OCA2: variants seen among roughly 807,000 people sequenced by gnomAD.
The protein encoded by OCA2 is OCA2 melanosomal transmembrane protein.
In OCA2, 77 loss-of-function variants were observed where a neutral mutation model predicts 100.2. That is an observed-to-expected ratio of 0.77 (90% CI 0.64 to 0.93). The LOEUF (loss-of-function observed/expected upper bound fraction) is 0.93. OCA2 is among the 40% of genes least tolerant of loss of function. OCA2 has a pLI of 0.00. For missense variants in OCA2, 1,062 were observed against 1,089.1 expected (o/e 0.98, Z 0.35); for synonymous variants, 432 against 439.2 (o/e 0.98, Z 0.21).
At chr15:27,783,404 C>T (rs1406275889) in intron 23 of OCA2, among the ~76,000 whole-genome samples, 1 of 152,162 alleles carries the variant, frequency 6.6e-6, no homozygotes, top group Non-Finnish European at 1.5e-5. Context: ...AGGAAGCTCG[C>T]AAGAGTATCA....
chr15:27,854,595 C>T (rs897693741), intron 21 of OCA2, among the ~76,000 whole-genome samples: 1 of 152,214 alleles, frequency 6.6e-6, no homozygotes, highest in African/African-American at 2.4e-5. Context: ...CATGCAGTCC[C>T]TGAGGCACTT....
intron 9 of OCA2, among the ~76,000 whole-genome samples, chr15:28,008,548 G>A (rs530129480): frequency 1.1e-4 from 16 of 152,252 alleles, no homozygotes; most frequent in Admixed American, 8.5e-4. Context: ...GTGAGGTCCC[G>A]TCCTAGCCAA....
intron 23 of OCA2, among the ~76,000 whole-genome samples, chr15:27,785,546 C>T (rs937652858): frequency 4.6e-5 from 7 of 152,070 alleles, no homozygotes; most frequent in Non-Finnish European, 7.4e-5. Flanking sequence ...ACTTTATACC[C>T]TTCAGATTAG....
At position 27,792,399 on chromosome 15, in the gene OCA2, C is replaced by G. The variant is rs553697234; in HGVS notation, c.2433-36927G>C. On this transcript the variant is annotated intron_variant, in intron 23 of 23. Coordinates refer to ENST00000354638, the MANE Select transcript of OCA2 (RefSeq NM_000275.3). Reference sequence around the variant, plus strand: ...GCTTGCCCAACCAACTTTCCTTTCCCTACTTCATCCTTTACATGGCAGTGG... The same window carrying G: ...GCTTGCCCAACCAACTTTCCTTTCCGTACTTCATCCTTTACATGGCAGTGG... Among the ~76,000 whole-genome samples the G allele has an allele frequency of 3.3e-5, 5 of 152,308 alleles. No individual in the cohort carries two copies. In the South Asian group the frequency reaches 1.0e-3, roughly 32 times the overall value.
At chr15:27,943,979 C>G (rs141050441) in intron 18 of OCA2, among the ~76,000 whole-genome samples, 150 of 152,322 alleles carry the variant, frequency 9.8e-4, no homozygotes, top group African/African-American at 3.3e-3. Flanking sequence ...TCAGGATCTC[C>G]TGGAGTGGTG....
At chr15:28,030,625 G>A (rs2042882178) in intron 3 of OCA2, among the ~76,000 whole-genome samples, 1 of 152,204 alleles carries the variant, frequency 6.6e-6, no homozygotes, top group African/African-American at 2.4e-5. Context: ...CCCCTAAAGT[G>A]CGAAGCCCTG....
At chr15:27,887,969 G>A (rs558106408) in intron 19 of OCA2, among the ~76,000 whole-genome samples, 1 of 152,082 alleles carries the variant, frequency 6.6e-6, no homozygotes, top group South Asian at 2.1e-4. Context: ...CCTCACACCT[G>A]GGATCTCAGG....
At chr15:27,864,406 G>C (rs1264787521) in intron 21 of OCA2, among the ~76,000 whole-genome samples, 1 of 152,170 alleles carries the variant, frequency 6.6e-6, no homozygotes, top group Non-Finnish European at 1.5e-5. Context: ...GACAGGAGGA[G>C]TTAAAACAAA....
In OCA2 at chr15:27,957,479, C is replaced by A. The variant is rs12439067; in HGVS notation, c.1784+109G>T. The A allele has an allele frequency of 0.1, 133,241 of 1,290,454 alleles. 21,828 individuals carry two copies. Among genetic ancestry groups the A allele is most frequent in the East Asian group, 0.87 (37,389 of 42,972 alleles). The allele number at this position is 1,290,454 out of a possible 1,614,324, so 79.9% of individuals were successfully genotyped here. Reference sequence around the variant, plus strand: ...ACTATAAGAGGCTTAGCACAGTGTGCGTCACCTAAATATCACGTATTAGTA... The same window carrying A: ...ACTATAAGAGGCTTAGCACAGTGTGAGTCACCTAAATATCACGTATTAGTA... On this transcript the variant is annotated intron_variant, in intron 16 of 23. Coordinates refer to ENST00000354638, the MANE Select transcript of OCA2 (RefSeq NM_000275.3). The surrounding 1 kb of genome is among the most constrained non-coding windows in gnomAD (Gnocchi z 4.3).
intron 5 of OCA2, 30 bp from the exon 6 acceptor site, chr15:28,022,603 A>G: frequency 3.2e-6 from 5 of 1,544,326 alleles, no homozygotes; most frequent in Non-Finnish European, 4.5e-6. Context: ...TGAATGACAG[A>G]GGTGTGGTAT....
At chr15:27,744,982 A>G in the OCA2 span, among the ~76,000 whole-genome samples, 1 of 152,194 alleles carries the variant, frequency 6.6e-6, no homozygotes, top group Non-Finnish European at 1.5e-5. Flanking sequence ...CTAGTGCAGC[A>G]TCGCATGACA....
chr15:27,934,842 G>A (rs1401021992), intron 18 of OCA2, among the ~76,000 whole-genome samples: 4 of 152,130 alleles, frequency 2.6e-5, no homozygotes, highest in Non-Finnish European at 5.9e-5. Flanking sequence ...GCCTACAATC[G>A]AATGAAGACC....
chr15:28,006,739 G>T (rs1482836362), intron 9 of OCA2, among the ~76,000 whole-genome samples: 1 of 152,236 alleles, frequency 6.6e-6, no homozygotes, highest in African/African-American at 2.4e-5. Context: ...GTAAGAAGAG[G>T]CTTGCAGACA....
chr15:27,924,442 C>T (rs2038974722), intron 19 of OCA2, among the ~76,000 whole-genome samples: 2 of 151,704 alleles, frequency 1.3e-5, no homozygotes, highest in African/African-American at 4.9e-5. Flanking sequence ...AAATACATTG[C>T]ACAAAATAAT....
the OCA2 span, among the ~76,000 whole-genome samples, chr15:27,720,837 C>T: frequency 6.6e-6 from 1 of 152,166 alleles, no homozygotes; most frequent in African/African-American, 2.4e-5. Context: ...AAGAAGTACA[C>T]TCTTACTCAC....
intron 2 of OCA2, among the ~76,000 whole-genome samples, chr15:28,074,566 C>T (rs182744753): frequency 2.7e-5 from 4 of 150,588 alleles, no homozygotes; most frequent in Admixed American, 6.7e-5. Flanking sequence ...CCCATCTAAT[C>T]GGGAGGCTGA....
At chr15:27,736,437 G>A in the OCA2 span, among the ~76,000 whole-genome samples, 1 of 152,214 alleles carries the variant, frequency 6.6e-6, no homozygotes, top group Non-Finnish European at 1.5e-5. Context: ...GGTGGCATCT[G>A]AAAGGCAGGA....
At chr15:27,864,921 G>A (rs868204772) in intron 21 of OCA2, among the ~76,000 whole-genome samples, 7 of 151,748 alleles carry the variant, frequency 4.6e-5, no homozygotes, top group South Asian at 2.1e-4. Flanking sequence ...CACAGAGGCC[G>A]CCTGCCCACC....
chr15:27,972,811 A>C (rs2040835044), intron 14 of OCA2, among the ~76,000 whole-genome samples: 2 of 148,820 alleles, frequency 1.3e-5, no homozygotes, highest in South Asian at 4.3e-4. Flanking sequence ...TTTTCTGTTT[A>C]CTTTGATGGT....
Sources: allele counts gnomAD v4.1 joint callset (sites outside exome capture counted in the v4.1 genomes callset), GRCh38; gene constraint gnomAD v4.1.1; non-coding constraint Gnocchi (gnomAD v3.1); transcripts MANE v1.5; gene names NCBI Gene and HGNC (gene_info 2026-07-23, HGNC 2026-07-21).